FOXP2: variants seen among roughly 807,000 people sequenced by gnomAD.
The protein encoded by FOXP2 is forkhead box protein P2.
In FOXP2, 12 loss-of-function variants were observed where a neutral mutation model predicts 115.8. The observed-to-expected ratio is 0.10, with a 90% CI of 0.07 to 0.17. The LOEUF is 0.17. FOXP2 is among the 10% of genes least tolerant of loss of function. The probability of loss-of-function intolerance (pLI) is 1.00; values close to 1 mark genes in which losing one functional copy is unlikely to be tolerated. For missense variants in FOXP2, 629 were observed against 843.5 expected, an observed-to-expected ratio of 0.75 and a Z score of 3.15; for synonymous variants, 328 against 297.7, an observed-to-expected ratio of 1.10 and a Z score of -1.05.
intron 2 of FOXP2, among the ~76,000 whole-genome samples, chr7:114,430,115 T>C (rs879282489): frequency 6.6e-6 from 1 of 151,622 alleles, no homozygotes; most frequent in Non-Finnish European, 1.5e-5. Flanking sequence ...TATGAGTAAA[T>C]AATAGTTTAT....
chr7:114,177,930 G>A (rs575459847), intron 1 of FOXP2, among the ~76,000 whole-genome samples: 42 of 151,916 alleles, frequency 2.8e-4, no homozygotes, highest in African/African-American at 9.4e-4. Flanking sequence ...GAAATTATAT[G>A]TCTTTTAACC....
At chr7:114,474,477 T>C (rs902507528) in intron 2 of FOXP2, among the ~76,000 whole-genome samples, 3 of 152,172 alleles carry the variant, frequency 2.0e-5, no homozygotes, top group Non-Finnish European at 4.4e-5. Flanking sequence ...ATCCTGACTC[T>C]CATAGAGCTA....
chr7:114,382,595 CT>C (rs890691199), intron 2 of FOXP2, among the ~76,000 whole-genome samples: 11 of 148,492 alleles, frequency 7.4e-5, no homozygotes, highest in African/African-American at 1.2e-4. Flanking sequence ...AAGCAGTGGC[CT>C]TTTTTTTTTA....
In FOXP2 at chr7:114,626,351, C is replaced by T. The variant is rs146194977; in HGVS notation, c.259-2189C>T. 5.1e-3 allele frequency among the ~76,000 whole-genome samples: 774 copies of T among 151,806 alleles called. 3 individuals carry two copies. Among genetic ancestry groups the T allele is most frequent in the African/African-American group, 0.018 (732 of 41,488 alleles). ...TAAACTCGTAGTGGTTTACGGCATACCTCCATTCATAGAACTTTCCCCATA... is the reference window on the plus strand; with the variant it reads ...TAAACTCGTAGTGGTTTACGGCATATCTCCATTCATAGAACTTTCCCCATA... On this transcript the variant is annotated intron_variant, in intron 3 of 16. Transcript: ENST00000350908.
chr7:114,388,711 A>C (rs889559558), intron 2 of FOXP2, among the ~76,000 whole-genome samples: 1 of 152,238 alleles, frequency 6.6e-6, no homozygotes, highest in Admixed American at 6.5e-5. Context: ...ATGGACAATT[A>C]CTTGTTATTT....
chr7:114,671,850 T>A (rs978511415), intron 16 of FOXP2, among the ~76,000 whole-genome samples: 4 of 152,236 alleles, frequency 2.6e-5, no homozygotes, highest in Admixed American at 6.5e-5. Flanking sequence ...GTAATTTACA[T>A]GATAAGAAAT....
At chr7:114,649,631 T>A (rs933406893) in intron 8 of FOXP2, among the ~76,000 whole-genome samples, 7 of 152,142 alleles carry the variant, frequency 4.6e-5, no homozygotes. Context: ...ATTTATTTAG[T>A]CTTATTACAT....
chr7:114,283,017 G>A (rs562836924), intron 1 of FOXP2, among the ~76,000 whole-genome samples: 3 of 152,066 alleles, frequency 2.0e-5, no homozygotes, highest in East Asian at 1.9e-4. Context: ...TTAAAATTCC[G>A]TTAGCATACA....
chr7:114,514,994 T>C (rs868753857), intron 2 of FOXP2, among the ~76,000 whole-genome samples: 3 of 151,778 alleles, frequency 2.0e-5, no homozygotes, highest in Middle Eastern at 3.2e-3. Context: ...TGCAATAGTT[T>C]ACTGAGAACG....
At chr7:114,183,365 CAG>C (rs1487100095) in intron 1 of FOXP2, among the ~76,000 whole-genome samples, 3 of 152,030 alleles carry the variant, frequency 2.0e-5, no homozygotes, top group Admixed American at 6.6e-5. Flanking sequence ...GTCAGTTAAA[CAG>C]AGAAATATAA....
At chr7:114,141,853 T>A (rs1479081473) in intron 1 of FOXP2, among the ~76,000 whole-genome samples, 1 of 152,184 alleles carries the variant, frequency 6.6e-6, no homozygotes, top group Non-Finnish European at 1.5e-5. Flanking sequence ...TGGATTAAAT[T>A]ACAGAATTTT....
chr7:114,482,246 C>A (rs1404462495), intron 2 of FOXP2, among the ~76,000 whole-genome samples: 2 of 151,420 alleles, frequency 1.3e-5, no homozygotes, highest in Non-Finnish European at 3.0e-5. Flanking sequence ...GCCCAGAAGT[C>A]CTACTCAATG....
chr7:114,628,404 T>A, intron 3 of FOXP2, 136 bp from the exon 4 acceptor site: 1 of 1,151,246 alleles, frequency 8.7e-7, no homozygotes, highest in South Asian at 1.3e-5. Context: ...AAAGAAGTTA[T>A]AGTAAAATGT....
At chr7:114,341,048 G>A (rs1475336573) in intron 2 of FOXP2, among the ~76,000 whole-genome samples, 4 of 151,058 alleles carry the variant, frequency 2.6e-5, no homozygotes, top group East Asian at 3.9e-4. Flanking sequence ...TCTGCACTTC[G>A]TTTTAACTTA....
At chr7:114,154,274 G>A (rs931666305) in intron 1 of FOXP2, among the ~76,000 whole-genome samples, 1 of 151,994 alleles carries the variant, frequency 6.6e-6, no homozygotes, top group Non-Finnish European at 1.5e-5. Flanking sequence ...GCCTTGAATA[G>A]GGTACATTTA....
intron 4 of FOXP2, 98 bp from the exon 5 acceptor site, chr7:114,629,707 A>G: frequency 6.2e-7 from 1 of 1,602,170 alleles, no homozygotes; most frequent in Non-Finnish European, 8.5e-7. Flanking sequence ...ATGAATCTTA[A>G]TGGATACTCT....
chr7:114,595,789 G>A lies in FOXP2; in HGVS notation c.259-32751G>A, dbSNP rs149281329. Among the ~76,000 whole-genome samples the A allele has an allele frequency of 6.8e-4, 104 of 152,020 alleles. 1 individual carries two copies. In the East Asian group the frequency reaches 0.019, roughly 27 times the overall value. On this transcript the variant is annotated intron_variant, in intron 3 of 16. Coordinates refer to ENST00000350908, the MANE Select transcript of FOXP2 (RefSeq NM_014491.4). ...AGAGCGTAATCAATGATACAGAAGG[G>A]TACAGGCTGATAGGAGAAGCTGTAG...
At chr7:114,506,721 A>G (rs1247142047) in intron 2 of FOXP2, among the ~76,000 whole-genome samples, 2 of 151,800 alleles carry the variant, frequency 1.3e-5, no homozygotes, top group African/African-American at 4.8e-5. Flanking sequence ...ATTTAAATGT[A>G]TATAATATTG....
intron 3 of FOXP2, among the ~76,000 whole-genome samples, chr7:114,550,188 G>A (rs1800137166): frequency 6.7e-6 from 1 of 148,566 alleles, no homozygotes; most frequent in South Asian, 2.1e-4. Flanking sequence ...TGCGATCTCG[G>A]CTCACTGCAA....
Sources: gnomAD v4.1 joint callset for allele counts (sites outside exome capture counted in the v4.1 genomes callset) on GRCh38, gnomAD v4.1.1 for gene constraint, MANE v1.5 for transcripts, NCBI Gene and HGNC (gene_info 2026-07-23, HGNC 2026-07-21) for gene names.